Variants in LRRC1 observed in about 807,000 individuals in gnomAD.
The protein encoded by LRRC1 is leucine-rich repeat-containing protein 1.
In LRRC1, 28 loss-of-function variants were observed where a neutral mutation model predicts 69.9. That is an observed-to-expected ratio of 0.40 (90% CI 0.30 to 0.55). The LOEUF is 0.55. Ranked by LOEUF, LRRC1 falls within the 20% of genes least tolerant of loss-of-function variation. LRRC1 has a pLI of 0.47. For missense variants in LRRC1, 498 were observed against 609.0 expected, an observed-to-expected ratio of 0.82 and a Z score of 1.92; for synonymous variants, 236 against 240.2, an observed-to-expected ratio of 0.98 and a Z score of 0.16.
intron 1 of LRRC1, 24 bp from the exon 2 acceptor site, chr6:53,842,086 A>G (rs762610070): frequency 1.3e-5 from 18 of 1,409,616 alleles, no homozygotes; most frequent in Non-Finnish European, 1.7e-5. Context: ...TGTGAAATCT[A>G]TGTTAAACTC....
At chr6:53,823,076 T>A (rs937483292) in intron 1 of LRRC1, among the ~76,000 whole-genome samples, 1 of 152,190 alleles carries the variant, frequency 6.6e-6, no homozygotes, top group African/African-American at 2.4e-5. Flanking sequence ...GGTCCCTTGA[T>A]CCTCACTGTG....
At position 53,808,382 on chromosome 6, in the gene LRRC1, T is replaced by G. The variant is rs1167340869; in HGVS notation, c.159+12967T>G. ...CTGCAGTATAGGAACTGCAAAGTAC[T>G]TGAGTTGAGTCATGGCAGAAGTTTT... is the stretch of plus-strand genomic sequence containing the variant. On this transcript the variant is annotated intron_variant, in intron 1 of 13. Transcript: ENST00000370888. 2.0e-5 allele frequency among the ~76,000 whole-genome samples: 3 copies of G among 149,648 alleles called. No homozygotes were observed. The South Asian group carries it at 6.2e-4, about 31-fold the overall frequency.
At chr6:53,884,541 A>G (rs764723979) in intron 4 of LRRC1, among the ~76,000 whole-genome samples, 21 of 152,136 alleles carry the variant, frequency 1.4e-4, no homozygotes, top group Non-Finnish European at 2.4e-4. Context: ...AATCTTAAAT[A>G]TAGTAGCTGT....
At chr6:53,830,473 G>T (rs1455856064) in intron 1 of LRRC1, among the ~76,000 whole-genome samples, 1 of 152,138 alleles carries the variant, frequency 6.6e-6, no homozygotes, top group Admixed American at 6.5e-5. Context: ...ATTAATATTA[G>T]AATTTAATAT....
chr6:53,921,042 A>G (rs908266447), intron 13 of LRRC1, among the ~76,000 whole-genome samples: 2 of 151,678 alleles, frequency 1.3e-5, no homozygotes, highest in African/African-American at 2.4e-5. Context: ...ATCTCAGCTC[A>G]CTGCAACCTC....
chr6:53,868,651 A>C (rs1035275425), intron 2 of LRRC1, among the ~76,000 whole-genome samples: 6 of 152,060 alleles, frequency 3.9e-5, no homozygotes, highest in Non-Finnish European at 8.8e-5. Context: ...TTAGATTGTA[A>C]GTTGGAGGTG....
intron 2 of LRRC1, among the ~76,000 whole-genome samples, chr6:53,858,169 A>C (rs1287642263): frequency 6.6e-6 from 1 of 152,186 alleles, no homozygotes; most frequent in African/African-American, 2.4e-5. Context: ...TTCCATGTTA[A>C]GTGTTGAGAA....
intron 2 of LRRC1, among the ~76,000 whole-genome samples, chr6:53,866,174 T>C (rs1301322609): frequency 6.6e-6 from 1 of 152,132 alleles, no homozygotes; most frequent in Non-Finnish European, 1.5e-5. Flanking sequence ...CCTGGGCCAC[T>C]TGGGGAAGGT....
intron 2 of LRRC1, among the ~76,000 whole-genome samples, chr6:53,877,529 GCCTTTAACAGCAC>G (rs1461474646): frequency 2.6e-5 from 4 of 151,908 alleles, no homozygotes; most frequent in Admixed American, 2.6e-4. Flanking sequence ...TAAACTGAAT[GCCTTTAACAGCAC>G]CCAAGTCACC....
At chr6:53,869,851 G>A (rs1017982908) in intron 2 of LRRC1, among the ~76,000 whole-genome samples, 3 of 152,232 alleles carry the variant, frequency 2.0e-5, no homozygotes, top group Non-Finnish European at 4.4e-5. Context: ...TGCCCCTGAG[G>A]ATTTAACATG....
chr6:53,819,090 T>A (rs956377219), intron 1 of LRRC1, among the ~76,000 whole-genome samples: 5 of 152,124 alleles, frequency 3.3e-5, no homozygotes, highest in African/African-American at 4.8e-5. Flanking sequence ...TAAAGCTCTA[T>A]GGGATCGGAA....
rs144172666 is a variant in LRRC1, at chr6:53,892,521, C to T, written c.447-3977C>T. On this transcript the variant is annotated intron_variant, in intron 4 of 13. Transcript: ENST00000370888. ...CACACAGGATTAGGTTTGGATCCCA[C>T]TCCCGAAGCTGCTCAGGAGCATGTT... Among the ~76,000 whole-genome samples, 613 of 152,254 alleles carry T rather than the reference C, an allele frequency of 4.0e-3. 10 individuals are homozygous for T. Among genetic ancestry groups the T allele is most frequent in the Admixed American group, 0.036 (547 of 15,288 alleles).
chr6:53,918,284 A>G (rs1336514020), intron 11 of LRRC1, among the ~76,000 whole-genome samples: 1 of 152,240 alleles, frequency 6.6e-6, no homozygotes, highest in Non-Finnish European at 1.5e-5. Flanking sequence ...TCAGTACTGC[A>G]CCCAATACAT....
At chr6:53,833,046 A>G (rs778848575) in intron 1 of LRRC1, among the ~76,000 whole-genome samples, 1 of 152,062 alleles carries the variant, frequency 6.6e-6, no homozygotes, top group Non-Finnish European at 1.5e-5. Context: ...TCAGTTCGAT[A>G]TCTTTTTTCT....
At position 53,922,949 on chromosome 6, in the gene LRRC1, T is replaced by C; in HGVS notation, c.*156T>C. ...AAGCTGCTGTCTCCCAGGAAGTGCC[T>C]TACTCATCCCGCAACCAGTCAGCGC... On this transcript the variant is annotated 3_prime_UTR_variant, in exon 14 of 14. Transcript: ENST00000370888. The C allele has an allele frequency of 1.5e-6, 1 of 645,916 alleles. No individual in the cohort carries two copies. The highest frequency in any genetic ancestry group is 2.6e-6 in the Non-Finnish European group (1 of 380,058). 40.0% of individuals were successfully genotyped at this position (645,916 alleles called of 1,614,324 possible).
At chr6:53,876,760 G>A (rs571465709) in intron 2 of LRRC1, among the ~76,000 whole-genome samples, 9 of 152,248 alleles carry the variant, frequency 5.9e-5, no homozygotes, top group South Asian at 2.1e-4. Flanking sequence ...ATGTTCCCAC[G>A]GTCTTGGACA....
At chr6:53,909,696 G>C (rs79881184) in intron 10 of LRRC1, among the ~76,000 whole-genome samples, 1 of 151,830 alleles carries the variant, frequency 6.6e-6, no homozygotes, top group Non-Finnish European at 1.5e-5. Flanking sequence ...CCACACAATT[G>C]CCAAAAATAT....
At chr6:53,904,144 A>T (rs1418896972) in intron 9 of LRRC1, among the ~76,000 whole-genome samples, 1 of 152,262 alleles carries the variant, frequency 6.6e-6, no homozygotes, top group Non-Finnish European at 1.5e-5. Flanking sequence ...CCCTGTTCCC[A>T]GGTCTCTACT....
intron 2 of LRRC1, among the ~76,000 whole-genome samples, chr6:53,844,049 C>T (rs1178885561): frequency 6.6e-6 from 1 of 152,124 alleles, no homozygotes; most frequent in Admixed American, 6.5e-5. Flanking sequence ...CCCTGCCCCT[C>T]AGCACAGAAG....
Sources: gnomAD v4.1 joint callset for allele counts (sites outside exome capture counted in the v4.1 genomes callset) on GRCh38, gnomAD v4.1.1 for gene constraint, MANE v1.5 for transcripts, NCBI Gene and HGNC (gene_info 2026-07-23, HGNC 2026-07-21) for gene names.